Variants in C2orf66 observed in about 807,000 individuals in gnomAD.
C2orf66 encodes chromosome 2 open reading frame 66, also known as uncharacterized protein C2orf66.
C2orf66 carries 6 observed loss-of-function variants against 7.0 expected under a neutral mutation model. The ratio of observed to expected loss-of-function variants is 0.86; its 90% confidence interval spans 0.47 to 1.69. The LOEUF (loss-of-function observed/expected upper bound fraction) is 1.69. Ranked by LOEUF, C2orf66 falls within the 40% of genes most tolerant of loss-of-function variation. C2orf66 has a pLI of 0.01. For synonymous variants in C2orf66, 38 were observed against 43.8 expected (o/e 0.87, Z 0.52); for missense variants, 107 against 112.0 (o/e 0.96, Z 0.20).
At chr2:196,823,664 CAAAG>C in the C2orf66 span, among the ~76,000 whole-genome samples, 2 of 121,372 alleles carry the variant, frequency 1.6e-5, no homozygotes, top group African/African-American at 3.8e-5. Context: ...AAAACCAAAC[CAAAG>C]AAAGAAATTA....
the C2orf66 span, among the ~76,000 whole-genome samples, chr2:196,819,354 T>C: frequency 6.6e-6 from 1 of 152,130 alleles, no homozygotes; most frequent in African/African-American, 2.4e-5. Flanking sequence ...ATGGGATTGG[T>C]GCCCTTCTAA....
At chr2:196,818,570 A>T in the C2orf66 span, among the ~76,000 whole-genome samples, 1 of 152,208 alleles carries the variant, frequency 6.6e-6, no homozygotes, top group Non-Finnish European at 1.5e-5. Flanking sequence ...TCCTACAGCT[A>T]AGATGGAGGA....
At chr2:196,809,643 A>G (rs1576049610), upstream of C2orf66, 4 of 295,876 alleles carry the variant, frequency 1.4e-5, no homozygotes, top group East Asian at 2.2e-4. Context: ...TCTTTGGAAA[A>G]AAAGTACTTT....
upstream of C2orf66, chr2:196,810,276 G>A (rs1376038271): frequency 6.6e-6 from 1 of 152,208 alleles, no homozygotes; most frequent in Non-Finnish European, 1.5e-5. Flanking sequence ...CTGGAAATAT[G>A]ATGATGATTA....
intron 2 of C2orf66, among the ~76,000 whole-genome samples, chr2:196,806,802 G>A (rs1236295394): frequency 6.6e-6 from 1 of 152,002 alleles, no homozygotes; most frequent in Non-Finnish European, 1.5e-5. Flanking sequence ...GGTGCAGTGA[G>A]CCAAGATCAC....
the C2orf66 span, among the ~76,000 whole-genome samples, chr2:196,830,379 A>G: frequency 1.3e-5 from 2 of 152,190 alleles, no homozygotes; most frequent in African/African-American, 4.8e-5. Flanking sequence ...AAACATGCTC[A>G]GCCGTCCAAA....
At chr2:196,829,713 C>T in the C2orf66 span, among the ~76,000 whole-genome samples, 5 of 151,046 alleles carry the variant, frequency 3.3e-5, no homozygotes, top group Non-Finnish European at 5.9e-5. Flanking sequence ...CTGGCTAACA[C>T]AGTGAAACCC....
intron 1 of C2orf66, among the ~76,000 whole-genome samples, chr2:196,808,923 C>CA (rs1212642201): frequency 6.6e-6 from 1 of 152,154 alleles, no homozygotes; most frequent in African/African-American, 2.4e-5. Flanking sequence ...ATCAAGGCTA[C>CA]AAAGTCAATG....
At chr2:196,825,422 G>T in the C2orf66 span, among the ~76,000 whole-genome samples, 1 of 152,112 alleles carries the variant, frequency 6.6e-6, no homozygotes, top group Non-Finnish European at 1.5e-5. Flanking sequence ...CTTGAAATTT[G>T]CTAAGAAAGT....
the C2orf66 span, among the ~76,000 whole-genome samples, chr2:196,828,230 TCACACACACACACACACACACACACA>T: frequency 1.6e-5 from 2 of 125,064 alleles, no homozygotes; most frequent in Non-Finnish European, 3.4e-5. Flanking sequence ...TCTCTCTCTC[TCACACACACACACACACACACACACA>T]CACACACACA....
upstream of C2orf66, among the ~76,000 whole-genome samples, chr2:196,812,080 T>A (rs1699882009): frequency 6.6e-6 from 1 of 152,016 alleles, no homozygotes; most frequent in African/African-American, 2.4e-5. Context: ...AGAAAGAAGG[T>A]AGTTACTAGA....
At chr2:196,830,050 C>T in the C2orf66 span, among the ~76,000 whole-genome samples, 1 of 152,196 alleles carries the variant, frequency 6.6e-6, no homozygotes, top group Non-Finnish European at 1.5e-5. Context: ...AATATATCCT[C>T]CCCCATTTTA....
At chr2:196,828,232 A>ACT in the C2orf66 span, among the ~76,000 whole-genome samples, 1 of 54,086 alleles carries the variant, frequency 1.8e-5, no homozygotes, top group East Asian at 3.1e-4. Context: ...TCTCTCTCTC[A>ACT]CACACACACA....
upstream of C2orf66, among the ~76,000 whole-genome samples, chr2:196,811,939 GA>G (rs1174425057): frequency 6.6e-6 from 1 of 152,158 alleles, no homozygotes; most frequent in Non-Finnish European, 1.5e-5. Context: ...AGTGTTTCAA[GA>G]AGGGACACAT....
chr2:196,829,090 C>T, the C2orf66 span, among the ~76,000 whole-genome samples: 47 of 152,152 alleles, frequency 3.1e-4, no homozygotes, highest in Non-Finnish European at 2.9e-4. Context: ...TACACACACG[C>T]ACATTTTTTT....
At chr2:196,806,445 C>T (rs1699821241) in intron 2 of C2orf66, among the ~76,000 whole-genome samples, 1 of 151,988 alleles carries the variant, frequency 6.6e-6, no homozygotes, top group African/African-American at 2.4e-5. Context: ...GATCCTCCCG[C>T]CTCAGCCTCC....
the C2orf66 span, among the ~76,000 whole-genome samples, chr2:196,829,906 CAAACA>C: frequency 6.6e-6 from 1 of 150,526 alleles, no homozygotes; most frequent in African/African-American, 2.4e-5. Context: ...CAAAACAAAA[CAAACA>C]AAACAAAAAC....
intron 2 of C2orf66, among the ~76,000 whole-genome samples, chr2:196,806,284 A>G (rs1004907968): frequency 2.6e-5 from 4 of 151,540 alleles, no homozygotes; most frequent in Non-Finnish European, 5.9e-5. Flanking sequence ...TGCAAGCTCC[A>G]CCTCCCAGGT....
At chr2:196,808,357 TG>T (rs1399633026) in intron 1 of C2orf66, among the ~76,000 whole-genome samples, 5 of 152,192 alleles carry the variant, frequency 3.3e-5, no homozygotes, top group Non-Finnish European at 5.9e-5. Flanking sequence ...TGGTAACTTT[TG>T]GGTCATTGCC....
Sources: allele counts gnomAD v4.1 joint callset (sites outside exome capture counted in the v4.1 genomes callset), GRCh38; gene constraint gnomAD v4.1.1; transcripts MANE v1.5; gene names NCBI Gene and HGNC (gene_info 2026-07-23, HGNC 2026-07-21).